The following MLIP variants were observed in gnomAD, a reference collection of about 807,000 sequenced individuals.
MLIP encodes the protein muscular LMNA interacting protein, also known as muscular LMNA-interacting protein.
A neutral mutation model predicts 84.8 loss-of-function variants in MLIP; 79 were observed. The observed-to-expected ratio is 0.93, with a 90% CI of 0.78 to 1.12. MLIP has a LOEUF of 1.12. Ranked by LOEUF, MLIP falls within the 50% of genes most tolerant of loss-of-function variation. The pLI is 0.00. For synonymous variants in MLIP, 504 were observed against 463.0 expected, an observed-to-expected ratio of 1.09 and a Z score of -1.14; for missense variants, 1,257 against 1,160.6, an observed-to-expected ratio of 1.08 and a Z score of -1.21.
chr6:54,207,496 T>C (rs1338673667), intron 11 of MLIP, among the ~76,000 whole-genome samples: 3 of 151,250 alleles, frequency 2.0e-5, no homozygotes, highest in Admixed American at 6.6e-5. Flanking sequence ...TTTAGATTAT[T>C]CTGTTGGCAA....
intron 9 of MLIP, among the ~76,000 whole-genome samples, chr6:54,173,689 T>C (rs1445572261): frequency 6.6e-6 from 1 of 151,874 alleles, no homozygotes; most frequent in Non-Finnish European, 1.5e-5. Context: ...AAATGGGGTA[T>C]CTGTCCCCTC....
At position 54,124,648 on chromosome 6, in the gene MLIP, T is replaced by C. The variant is rs146387198; in HGVS notation, c.428T>C (p.Ile143Thr). 767 of 1,614,148 alleles carry C rather than the reference T, an allele frequency of 4.8e-4. No individual in the cohort carries two copies. Among genetic ancestry groups the C allele is most frequent in the Non-Finnish European group, 5.5e-4 (653 of 1,180,018 alleles). The change falls in exon 3 of 14, where the codon ATT becomes ACT. Residue 143 changes from isoleucine to threonine, a missense_variant. Coordinates refer to ENST00000502396, the MANE Select transcript of MLIP (RefSeq NM_001281747.2). ...SDLFKAEYVL[I>T]VDSEGEDEAA... The stretch of plus-strand genomic sequence containing the variant: ...CTCTTCAAAGCTGAATATGTCCTTA[T>C]TGTGGACTCCGAAGGGGAAGATGAG...
chr6:54,106,751 T>C (rs900945216), upstream of MLIP, among the ~76,000 whole-genome samples: 2 of 152,210 alleles, frequency 1.3e-5, no homozygotes, highest in South Asian at 2.1e-4. Context: ...GATTCAGATG[T>C]GCTGATGTTC....
At chr6:54,204,485 A>G (rs953846012) in intron 11 of MLIP, among the ~76,000 whole-genome samples, 4 of 152,200 alleles carry the variant, frequency 2.6e-5, no homozygotes, top group Admixed American at 2.0e-4. Flanking sequence ...TAAATTTCAC[A>G]TATTATCCAT....
chr6:54,084,061 T>C (rs2150361287), intron 1 of MLIP, among the ~76,000 whole-genome samples: 1 of 152,342 alleles, frequency 6.6e-6, no homozygotes, highest in South Asian at 2.1e-4. Flanking sequence ...GGTTTCAACA[T>C]GTAATTCTAA....
intron 11 of MLIP, chr6:54,214,997 A>C: frequency 1.7e-6 from 1 of 588,676 alleles, no homozygotes; most frequent in Non-Finnish European, 2.9e-6. Context: ...GAAATAAAGG[A>C]GACGATATCC....
intron 1 of MLIP, among the ~76,000 whole-genome samples, chr6:54,091,183 C>G (rs918969530): frequency 6.6e-6 from 1 of 152,092 alleles, no homozygotes; most frequent in African/African-American, 2.4e-5. Context: ...AGAACTGCTT[C>G]TGTAGAGTAA....
intron 1 of MLIP, among the ~76,000 whole-genome samples, chr6:54,075,381 GA>G (rs1444456168): frequency 6.6e-6 from 1 of 151,932 alleles, no homozygotes; most frequent in Admixed American, 6.6e-5. Flanking sequence ...TATCTAGGTG[GA>G]TTTGTGATTG....
At chr6:54,210,241 A>G (rs1485293927) in intron 11 of MLIP, among the ~76,000 whole-genome samples, 1 of 152,178 alleles carries the variant, frequency 6.6e-6, no homozygotes. Context: ...GGTAAGCTCA[A>G]TGGACTTTGA....
chr6:54,163,470 G>T (rs1022133720), intron 8 of MLIP, among the ~76,000 whole-genome samples: 2 of 151,488 alleles, frequency 1.3e-5, no homozygotes, highest in African/African-American at 4.8e-5. Context: ...AGGCAATTTT[G>T]ATATTTACTA....
At chr6:54,226,392 A>G (rs1780574489) in intron 11 of MLIP, among the ~76,000 whole-genome samples, 1 of 152,170 alleles carries the variant, frequency 6.6e-6, no homozygotes, top group Non-Finnish European at 1.5e-5. Context: ...AGGAGATTGA[A>G]AATGTCTTTT....
At position 54,138,639 on chromosome 6, in the gene MLIP, T is replaced by C. The variant is rs1772037209; in HGVS notation, c.2217+353T>C. 2.0e-5 allele frequency among the ~76,000 whole-genome samples: 3 copies of C among 152,310 alleles called. No individual in the cohort carries two copies. The South Asian group carries it at 6.2e-4, about 32-fold the overall frequency. Reference sequence around the variant, plus strand: ...GTAGTAGAGATTCAGGACTATGATATGTTTCTGATTGTTTATTAACAGGGA... The same window carrying C: ...GTAGTAGAGATTCAGGACTATGATACGTTTCTGATTGTTTATTAACAGGGA... On this transcript the variant is annotated intron_variant, in intron 4 of 13. Coordinates refer to ENST00000502396, the MANE Select transcript of MLIP (RefSeq NM_001281747.2).
intron 1 of MLIP, among the ~76,000 whole-genome samples, chr6:54,073,045 G>A (rs1375667715): frequency 7.2e-5 from 11 of 152,140 alleles, no homozygotes; most frequent in Non-Finnish European, 5.9e-5. Context: ...TCCCATGGCA[G>A]CAGTCCTCAC....
chr6:54,257,668 C>A (rs559884648), intron 13 of MLIP, among the ~76,000 whole-genome samples: 10 of 152,136 alleles, frequency 6.6e-5, no homozygotes, highest in African/African-American at 2.4e-4. Context: ...TCACCATTGT[C>A]TTCTTTCTCT....
At chr6:54,034,748 T>G (rs1364376530) in intron 1 of MLIP, among the ~76,000 whole-genome samples, 1 of 152,028 alleles carries the variant, frequency 6.6e-6, no homozygotes, top group Non-Finnish European at 1.5e-5. Flanking sequence ...GAAAAAATAT[T>G]TTTATGTATT....
At chr6:54,046,226 T>A (rs939047937) in intron 1 of MLIP, 1 of 152,010 alleles carries the variant, frequency 6.6e-6, no homozygotes, top group Admixed American at 6.6e-5. Flanking sequence ...TATATTAACT[T>A]TAAATTTGAC....
chr6:54,086,796 C>T (rs1767524533), intron 1 of MLIP, among the ~76,000 whole-genome samples: 1 of 152,102 alleles, frequency 6.6e-6, no homozygotes, highest in Non-Finnish European at 1.5e-5. Context: ...GTATTTTCAC[C>T]TAGATATCTG....
At chr6:54,043,684 GA>G (rs1764875551) in intron 1 of MLIP, among the ~76,000 whole-genome samples, 1 of 152,186 alleles carries the variant, frequency 6.6e-6, no homozygotes. Flanking sequence ...TATAATTAGG[GA>G]ATAGGATGCC....
At chr6:54,150,906 G>A (rs1227563457) in intron 5 of MLIP, among the ~76,000 whole-genome samples, 1 of 152,120 alleles carries the variant, frequency 6.6e-6, no homozygotes, top group Non-Finnish European at 1.5e-5. Flanking sequence ...TGATATTGAT[G>A]TGTATTTAGC....
Sources: gnomAD v4.1 joint callset for allele counts (sites outside exome capture counted in the v4.1 genomes callset) on GRCh38, gnomAD v4.1.1 for gene constraint, MANE v1.5 for transcripts, NCBI Gene and HGNC (gene_info 2026-07-23, HGNC 2026-07-21) for gene names.